The following ITGAM variants were observed in gnomAD, a reference collection of about 807,000 sequenced individuals.
ITGAM encodes the protein integrin alpha-M.
In ITGAM, 79 loss-of-function variants were observed where a neutral mutation model predicts 137.5. The observed-to-expected ratio is 0.57, with a 90% confidence interval of 0.48 to 0.69. The LOEUF is 0.69. Among genes scored for constraint, ITGAM ranks in the 30% least tolerant of loss-of-function variants. ITGAM has a pLI of 0.00. For missense variants in ITGAM, 1,343 were observed against 1,483.5 expected, an observed-to-expected ratio of 0.91 and a Z score of 1.56; for synonymous variants, 583 against 592.3, an observed-to-expected ratio of 0.98 and a Z score of 0.23.
intron 12 of ITGAM, among the ~76,000 whole-genome samples, chr16:31,294,246 G>A (rs2144368961): frequency 6.6e-6 from 1 of 152,134 alleles, no homozygotes; most frequent in Admixed American, 6.5e-5. Context: ...TCTTTTGCCT[G>A]ATTGCTCTGG....
Position 31,271,863 on chromosome 16 carries a change from A to G in ITGAM, c.575A>G (p.Tyr192Cys). 1 of 1,613,956 alleles carries G rather than the reference A, an allele frequency of 6.2e-7. No homozygotes were observed. Among genetic ancestry groups the G allele is most frequent in the Non-Finnish European group, 8.5e-7 (1 of 1,179,876 alleles). Residue 192 changes from tyrosine (Y) to cysteine (C), a missense_variant, in exon 7 of 30, where the codon TAC (tyrosine) becomes TGC (cysteine). Tyr to Cys is a radical substitution (Grantham distance 194). Transcript: ENST00000544665. ...KSKTLFSLMQYSEEFRIHFTF... is the reference protein window; with the variant it reads ...KSKTLFSLMQCSEEFRIHFTF... ...CCTCCGCAGTTCTCTTTGATGCAGT[A>G]CTCTGAAGAATTCCGGATTCACTTT...
chr16:31,326,323 T>C (rs2080507953), intron 21 of ITGAM, among the ~76,000 whole-genome samples: 2 of 152,196 alleles, frequency 1.3e-5, no homozygotes, highest in Non-Finnish European at 1.5e-5. Flanking sequence ...ATGTGATCCT[T>C]TCCCTAGCAT....
intron 5 of ITGAM, among the ~76,000 whole-genome samples, chr16:31,270,061 C>G (rs1006588430): frequency 1.3e-5 from 2 of 148,810 alleles, no homozygotes; most frequent in East Asian, 3.9e-4. Context: ...ATGTGTGTGC[C>G]CTTCCCTTTT....
chr16:31,260,646 T>A (rs987171483), intron 1 of ITGAM, among the ~76,000 whole-genome samples: 11 of 152,232 alleles, frequency 7.2e-5, no homozygotes, highest in African/African-American at 2.7e-4. Context: ...AACTTCACTG[T>A]TGGGCAAATC....
At position 31,325,419 on chromosome 16, in the gene ITGAM, C is replaced by T; in HGVS notation, c.2505+15C>T. On this transcript the variant is annotated intron_variant, in intron 20 of 29. Coordinates refer to ENST00000544665, the MANE Select transcript of ITGAM (RefSeq NM_000632.4). ...CCACGCTCCAGGTAGCCACATCCTTCTCAGGCTCTATCTGACCTTTGCTTC... is the reference window on the plus strand; with the variant it reads ...CCACGCTCCAGGTAGCCACATCCTTTTCAGGCTCTATCTGACCTTTGCTTC... 3 of 1,612,584 alleles carry T rather than the reference C, an allele frequency of 1.9e-6. No individual in the cohort carries two copies. The highest frequency in any genetic ancestry group is 2.5e-6 in the Non-Finnish European group (3 of 1,179,048).
intron 14 of ITGAM, among the ~76,000 whole-genome samples, chr16:31,309,986 T>G (rs1454483544): frequency 6.6e-6 from 1 of 151,730 alleles, no homozygotes; most frequent in Non-Finnish European, 1.5e-5. Flanking sequence ...TGGCCCCCAC[T>G]CTCTTCTGGC....
At chr16:31,325,200 G>C (rs776437010) in intron 19 of ITGAM, 63 bp from the exon 20 acceptor site, 4 of 1,559,176 alleles carry the variant, frequency 2.6e-6, no homozygotes, top group African/African-American at 2.7e-5. Flanking sequence ...TGTTCTGCTG[G>C]AGCAGGCTTG....
At chr16:31,328,860 G>T (rs565153550) in intron 23 of ITGAM, 5 of 389,216 alleles carry the variant, frequency 1.3e-5, no homozygotes, top group Non-Finnish European at 2.4e-5. Context: ...GTGTGTGAGG[G>T]TCTATGTGCA....
intron 1 of ITGAM, among the ~76,000 whole-genome samples, chr16:31,260,844 C>G (rs1405452814): frequency 6.6e-6 from 1 of 152,172 alleles, no homozygotes; most frequent in Non-Finnish European, 1.5e-5. Context: ...AAGATGAACA[C>G]TGATAATCGA....
At chr16:31,321,714 G>A in intron 16 of ITGAM, 87 bp downstream of exon 16, 1 of 1,367,538 alleles carries the variant, frequency 7.3e-7, no homozygotes, top group Non-Finnish European at 1.0e-6. Flanking sequence ...CCTTCTGGCT[G>A]TCCTGAACTG....
chr16:31,296,058 C>T (rs181619422), intron 12 of ITGAM, among the ~76,000 whole-genome samples: 83 of 150,404 alleles, frequency 5.5e-4, no homozygotes, highest in Middle Eastern at 3.5e-3. Flanking sequence ...CCTTGCATCT[C>T]GCATCCCAGG....
chr16:31,307,555 G>T (rs946306677), intron 14 of ITGAM, among the ~76,000 whole-genome samples: 1 of 152,140 alleles, frequency 6.6e-6, no homozygotes, highest in African/African-American at 2.4e-5. Context: ...GGGCTGAGAC[G>T]ATGGGGTTTT....
intron 12 of ITGAM, among the ~76,000 whole-genome samples, chr16:31,287,480 T>C (rs2080040762): frequency 1.3e-5 from 2 of 152,232 alleles, no homozygotes. Flanking sequence ...TTAACAATAT[T>C]GATTCTTCCA....
At chr16:31,277,401 C>T (rs1484753459) in intron 11 of ITGAM, among the ~76,000 whole-genome samples, 1 of 151,606 alleles carries the variant, frequency 6.6e-6, no homozygotes, top group Non-Finnish European at 1.5e-5. Context: ...TCTTGTTGCC[C>T]AGGCTGGAGT....
intron 14 of ITGAM, 128 bp from the exon 15 acceptor site, chr16:31,321,113 T>C: frequency 1.0e-6 from 1 of 980,508 alleles, no homozygotes; most frequent in South Asian, 1.6e-5. Flanking sequence ...AGTTCCTTGG[T>C]TAGTTGCAAG....
At chr16:31,261,593 A>G in intron 1 of ITGAM, 99 bp from the exon 2 acceptor site, 1 of 703,262 alleles carries the variant, frequency 1.4e-6, no homozygotes, top group Admixed American at 2.1e-5. Context: ...TCAGGGCTCA[A>G]GTGATCCTCC....
chr16:31,281,546 C>T (rs1047252376), intron 12 of ITGAM, among the ~76,000 whole-genome samples: 2 of 152,274 alleles, frequency 1.3e-5, no homozygotes, highest in African/African-American at 4.8e-5. Context: ...GTTTGTATTT[C>T]TGTGGGATTG....
intron 12 of ITGAM, among the ~76,000 whole-genome samples, chr16:31,283,999 AC>A: frequency 2.0e-5 from 3 of 152,252 alleles, no homozygotes; most frequent in East Asian, 3.9e-4. Context: ...TCCACTCCAG[AC>A]CCTGTTTTCC....
At position 31,265,363 on chromosome 16, in the gene ITGAM, G is replaced by C. The variant is rs763989346; in HGVS notation, c.135-32G>C. The C allele has an allele frequency of 3.7e-6, 5 of 1,338,080 alleles. No individual in the cohort carries two copies. The East Asian group carries it at 1.1e-4, about 28-fold the overall frequency. 82.9% of individuals were successfully genotyped at this position (1,338,080 alleles called of 1,614,324 possible). On this transcript the variant is annotated intron_variant, in intron 2 of 29. Transcript: ENST00000544665. ...TGGTCTCCTTCTCTCCCCACATGTCGAAGTTTTCTCTGTTCCCACTTCTCC... is the reference window on the plus strand; with the variant it reads ...TGGTCTCCTTCTCTCCCCACATGTCCAAGTTTTCTCTGTTCCCACTTCTCC...
Sources: gnomAD v4.1 joint callset for allele counts (sites outside exome capture counted in the v4.1 genomes callset) on GRCh38, gnomAD v4.1.1 for gene constraint, MANE v1.5 for transcripts, NCBI Gene and HGNC (gene_info 2026-07-23, HGNC 2026-07-21) for gene names.